Variants in GLIS3 observed in about 807,000 individuals in gnomAD.
GLIS3 encodes the protein GLIS family zinc finger 3.
A neutral mutation model predicts 78.6 loss-of-function variants in GLIS3; 53 were observed. That is an observed-to-expected ratio of 0.67 (90% CI 0.54 to 0.85). The LOEUF (loss-of-function observed/expected upper bound fraction) is 0.85. Among genes scored for constraint, GLIS3 ranks in the 40% least tolerant of loss-of-function variants. The pLI is 0.00. For synonymous variants in GLIS3, 684 were observed against 509.9 expected, an observed-to-expected ratio of 1.34 and a Z score of -4.60; for missense variants, 1,703 against 1,231.1, an observed-to-expected ratio of 1.38 and a Z score of -5.74.
At chr9:4,113,174 TA>T (rs1831367573) in intron 4 of GLIS3, among the ~76,000 whole-genome samples, 1 of 152,086 alleles carries the variant, frequency 6.6e-6, no homozygotes, top group African/African-American at 2.4e-5. Flanking sequence ...ATATATGTAA[TA>T]TATATATGCG....
chr9:3,863,138 G>A (rs185440721), intron 8 of GLIS3, among the ~76,000 whole-genome samples: 84 of 152,298 alleles, frequency 5.5e-4, no homozygotes, highest in Non-Finnish European at 9.3e-4. Flanking sequence ...ACTTTGTATA[G>A]CCAGACAGCA....
At chr9:4,428,369 C>T in the GLIS3 span, among the ~76,000 whole-genome samples, 2 of 150,372 alleles carry the variant, frequency 1.3e-5, no homozygotes, top group Non-Finnish European at 2.9e-5. Flanking sequence ...GTCCCAGATA[C>T]TTGGGAGGCT....
chr9:4,047,493 C>T (rs532721606), intron 4 of GLIS3, among the ~76,000 whole-genome samples: 1 of 152,282 alleles, frequency 6.6e-6, no homozygotes, highest in East Asian at 1.9e-4. Context: ...CCTGTTACTG[C>T]TCTGAATTAC....
chr9:3,910,143 A>AC (rs1331998437), intron 6 of GLIS3, among the ~76,000 whole-genome samples: 5 of 151,868 alleles, frequency 3.3e-5, no homozygotes, highest in African/African-American at 9.7e-5. Context: ...CTACAGATCC[A>AC]CCCCCCTGTG....
intron 4 of GLIS3, among the ~76,000 whole-genome samples, chr9:4,075,184 A>C (rs1361938570): frequency 6.6e-6 from 1 of 152,308 alleles, no homozygotes; most frequent in East Asian, 1.9e-4. Context: ...GAGTGTATGC[A>C]TATGTCCAAC....
intron 2 of GLIS3, among the ~76,000 whole-genome samples, chr9:4,178,380 C>T (rs1816988470): frequency 6.6e-6 from 1 of 152,152 alleles, no homozygotes; most frequent in African/African-American, 2.4e-5. Context: ...CCTATGATCA[C>T]TTATGAACGG....
chr9:4,475,036 C>G, the GLIS3 span, among the ~76,000 whole-genome samples: 41 of 131,854 alleles, frequency 3.1e-4, no homozygotes, highest in African/African-American at 1.2e-3. Context: ...CTCTGTCGAC[C>G]AGGCTAGAGT....
chr9:4,167,673 G>T (rs1473394477), intron 2 of GLIS3, among the ~76,000 whole-genome samples: 1 of 152,194 alleles, frequency 6.6e-6, no homozygotes, highest in East Asian at 1.9e-4. Context: ...AGCACAAGTG[G>T]CAGTATCGAG....
Position 3,824,294 on chromosome 9 carries a change from C to T in GLIS3, c.*3978G>A, listed in dbSNP as rs903825639. The T allele has an allele frequency of 1.3e-5, 2 of 152,610 alleles. No homozygotes were observed. The highest frequency in any genetic ancestry group is 4.8e-5 in the African/African-American group (2 of 41,430). 9.5% of individuals were successfully genotyped at this position (152,610 alleles called of 1,614,324 possible). ...ACAGCTCTGGCCCAAAGCAATGCAG[C>T]ATTTTAAAGCTGGACTTGAACATTC... On this transcript the variant is annotated 3_prime_UTR_variant, in exon 11 of 11. Transcript: ENST00000381971.
chr9:4,030,642 T>C (rs1315971387), intron 4 of GLIS3, among the ~76,000 whole-genome samples: 2 of 152,214 alleles, frequency 1.3e-5, no homozygotes, highest in African/African-American at 4.8e-5. Context: ...CTTCTGCGTA[T>C]GGGTATCCAG....
chr9:4,110,355 C>T (rs1831110728), intron 4 of GLIS3, among the ~76,000 whole-genome samples: 2 of 152,148 alleles, frequency 1.3e-5, no homozygotes, highest in South Asian at 4.1e-4. Flanking sequence ...ATTGCTCCTG[C>T]CTGCCCAGAA....
At chr9:4,263,097 G>A (rs1173264160) in intron 2 of GLIS3, among the ~76,000 whole-genome samples, 1 of 152,158 alleles carries the variant, frequency 6.6e-6, no homozygotes, top group Non-Finnish European at 1.5e-5. Context: ...TAAGAAAAAT[G>A]TAACCCACAC....
intron 8 of GLIS3, among the ~76,000 whole-genome samples, chr9:3,860,351 C>G (rs1232944569): frequency 6.8e-6 from 1 of 146,084 alleles, no homozygotes; most frequent in Non-Finnish European, 1.5e-5. Flanking sequence ...AAATATGTAT[C>G]TCCACCTATC....
At chr9:4,074,086 C>G (rs1017321414) in intron 4 of GLIS3, among the ~76,000 whole-genome samples, 1 of 152,208 alleles carries the variant, frequency 6.6e-6, no homozygotes, top group African/African-American at 2.4e-5. Flanking sequence ...TTCTCCAGCT[C>G]CCTTCCGCCG....
At chr9:4,322,451 GTTCTAGA>G (rs1412519630) in intron 2 of GLIS3, among the ~76,000 whole-genome samples, 1 of 152,148 alleles carries the variant, frequency 6.6e-6, no homozygotes, top group African/African-American at 2.4e-5. Flanking sequence ...GGTATTTCTA[GTTCTAGA>G]TCCTTGAGGA....
intron 4 of GLIS3, among the ~76,000 whole-genome samples, chr9:4,000,167 T>C (rs1010946224): frequency 3.3e-5 from 5 of 152,176 alleles, no homozygotes; most frequent in Admixed American, 3.3e-4. Context: ...GATCCATACG[T>C]AGATTCACAC....
At chr9:4,298,621 G>A (rs530958512) in intron 1 of GLIS3, 18 of 217,152 alleles carry the variant, frequency 8.3e-5, no homozygotes, top group African/African-American at 3.3e-4. Context: ...CCGCGCGCAG[G>A]ACAACGTCTC....
intron 1 of GLIS3, among the ~76,000 whole-genome samples, chr9:4,297,379 C>T (rs1816633168): frequency 1.3e-5 from 2 of 152,162 alleles, no homozygotes; most frequent in South Asian, 4.1e-4. Flanking sequence ...CTCTGGGGCT[C>T]GGTTTCCTCA....
the GLIS3 span, among the ~76,000 whole-genome samples, chr9:4,369,821 T>A: frequency 6.6e-6 from 1 of 152,062 alleles, no homozygotes; most frequent in African/African-American, 2.4e-5. Flanking sequence ...CCTATGTTCA[T>A]GGCCAAAAAA....
Sources: allele counts gnomAD v4.1 joint callset (sites outside exome capture counted in the v4.1 genomes callset), GRCh38; gene constraint gnomAD v4.1.1; transcripts MANE v1.5; gene names NCBI Gene and HGNC (gene_info 2026-07-23, HGNC 2026-07-21).